BHMT2: variants seen among roughly 807,000 people sequenced by gnomAD.
BHMT2 encodes S-methylmethionine--homocysteine S-methyltransferase BHMT2.
Under a neutral mutation model 39.0 loss-of-function variants are expected in BHMT2, and 28 were observed. That is an observed-to-expected ratio of 0.72 (90% CI 0.53 to 0.98). BHMT2 has a LOEUF of 0.98. Ranked by LOEUF, BHMT2 falls within the 50% of genes least tolerant of loss-of-function variation. BHMT2 has a pLI of 0.00. For missense variants in BHMT2, 410 were observed against 455.6 expected, an observed-to-expected ratio of 0.90 and a Z score of 0.91; for synonymous variants, 145 against 160.6, an observed-to-expected ratio of 0.90 and a Z score of 0.74.
chr5:79,077,831 C>A, intron 2 of BHMT2: 2 of 412,022 alleles, frequency 4.9e-6, no homozygotes, highest in Non-Finnish European at 8.7e-6. Flanking sequence ...ACACACCCAC[C>A]CATCCACACG....
At chr5:79,080,527 T>G (rs1346102844) in intron 3 of BHMT2, among the ~76,000 whole-genome samples, 160 bp from the exon 4 acceptor site, 2 of 152,148 alleles carry the variant, frequency 1.3e-5, no homozygotes, top group Non-Finnish European at 1.5e-5. Flanking sequence ...AAGGTCATGG[T>G]AACAGAGGAG....
At chr5:79,070,426 G>C (rs12108714) in intron 1 of BHMT2, among the ~76,000 whole-genome samples, 16 of 152,082 alleles carry the variant, frequency 1.1e-4, no homozygotes, top group Non-Finnish European at 1.8e-4. Flanking sequence ...CCAGCTCCTG[G>C]CCCCTTTCCT....
intron 7 of BHMT2, among the ~76,000 whole-genome samples, chr5:79,085,582 G>A (rs1755878466): frequency 6.6e-6 from 1 of 152,234 alleles, no homozygotes; most frequent in African/African-American, 2.4e-5. Flanking sequence ...TCGGGAGGCT[G>A]AGGCAGGAGA....
chr5:79,088,642 C>T lies in BHMT2; in HGVS notation c.*68C>T, dbSNP rs1201662543. The T allele has an allele frequency of 3.5e-5, 44 of 1,271,048 alleles. No homozygotes were observed. The highest frequency in any genetic ancestry group is 3.1e-4 in the East Asian group (13 of 42,470). The allele number at this position is 1,271,048 out of a possible 1,614,324, so 78.7% of individuals were successfully genotyped here. A position where few individuals can be genotyped will look rare whatever the true frequency, so the allele number is the denominator to read the frequency against. ...GTTGCCCTCAAGCCTGACCTGGAAC[C>T]GTTCCTCACCTTCATCCTCACCATG... On this transcript the variant is annotated 3_prime_UTR_variant, in exon 8 of 8. Transcript: ENST00000255192.
At chr5:79,073,244 G>A (rs59271724) in intron 1 of BHMT2, among the ~76,000 whole-genome samples, 2,119 of 152,248 alleles carry the variant, frequency 0.014, 32 homozygotes, top group African/African-American at 0.042. Flanking sequence ...GATTACAGGC[G>A]TGAGCCACCG....
At position 79,083,292 on chromosome 5, in the gene BHMT2, G is replaced by T. The variant is rs59804781; in HGVS notation, c.699G>T (p.Ala233=). Residue 233 remains alanine, a synonymous_variant, in exon 6 of 8, where the codon GCG becomes GCT. Coordinates refer to ENST00000255192, the MANE Select transcript of BHMT2 (RefSeq NM_017614.5). The part of the protein sequence containing the change: ...KEGLEWAGLK[A]HLMVQPLGFH... ...GTCTTGAGTGGGCAGGGCTGAAAGC[G>T]CACCTCATGGTGCAGCCTCTGGGGT... The T allele has an allele frequency of 4.1e-3, 6,676 of 1,613,864 alleles. 29 individuals are homozygous for T. The highest frequency in any genetic ancestry group is 4.8e-3 in the Non-Finnish European group (5,612 of 1,179,854).
rs751330926 is a variant in BHMT2 at position 79,088,475 on chromosome 5, GTATA to G, written c.1011-14_1011-11del. 3.1e-5 allele frequency: 49 copies of G among 1,599,390 alleles called. No homozygotes were observed. In the African/African-American group the frequency reaches 5.4e-4, roughly 18 times the overall value. On this transcript the variant is annotated splice_polypyrimidine_tract_variant and intron_variant, in intron 7 of 7. Coordinates refer to ENST00000255192, the MANE Select transcript of BHMT2 (RefSeq NM_017614.5). ...GTAAGACTTTTAATTAATTAATTAT[GTATA>G]TATTGAAACACAGGGCTCGAAGGGA...
intron 1 of BHMT2, among the ~76,000 whole-genome samples, chr5:79,070,576 C>T (rs1481210401): frequency 1.3e-5 from 2 of 152,000 alleles, no homozygotes; most frequent in Non-Finnish European, 2.9e-5. Context: ...CTTCAGAGAC[C>T]CCCACCCGCT....
chr5:79,080,966 A>G, intron 4 of BHMT2, 88 bp downstream of exon 4: 1 of 1,245,212 alleles, frequency 8.0e-7, no homozygotes, highest in Non-Finnish European at 1.1e-6. Context: ...ATTGGACAAC[A>G]TTCTGCCCTC....
chr5:79,083,164 A>G (rs1437065930), intron 5 of BHMT2, 28 bp from the exon 6 acceptor site: 3 of 1,607,768 alleles, frequency 1.9e-6, no homozygotes, highest in East Asian at 2.2e-5. Context: ...AATAAATAAT[A>G]AAATGTAAGT....
chr5:79,071,845 A>AAAAT (rs1554039290), intron 1 of BHMT2, among the ~76,000 whole-genome samples: 5 of 144,530 alleles, frequency 3.5e-5, no homozygotes, highest in African/African-American at 5.2e-5. Context: ...AAAAAAAAAA[A>AAAAT]CTAAAGAAGG....
At chr5:79,074,946 T>G (rs1755647868) in intron 1 of BHMT2, among the ~76,000 whole-genome samples, 1 of 152,198 alleles carries the variant, frequency 6.6e-6, no homozygotes, top group Non-Finnish European at 1.5e-5. Flanking sequence ...TGAACGTGAC[T>G]CTGATCCAGT....
Position 79,076,457 on chromosome 5 carries a change from A to G in BHMT2, c.34-1023A>G, listed in dbSNP as rs146131075. Among the ~76,000 whole-genome samples the G allele has an allele frequency of 1.2e-4, 19 of 152,290 alleles. No homozygotes were observed. The East Asian group carries it at 3.3e-3, about 26-fold the overall frequency. Reference sequence around the variant, plus strand: ...CCTATCCTCACCAGGGTCTGTGGGCACAGGCCTGAGGCCTTTCTGTATCAA... The same window carrying G: ...CCTATCCTCACCAGGGTCTGTGGGCGCAGGCCTGAGGCCTTTCTGTATCAA... On this transcript the variant is annotated intron_variant, in intron 1 of 7. Coordinates refer to ENST00000255192, the MANE Select transcript of BHMT2 (RefSeq NM_017614.5).
chr5:79,088,695 T>G lies in BHMT2; in HGVS notation c.*121T>G, dbSNP rs1580257052. On this transcript the variant is annotated 3_prime_UTR_variant, in exon 8 of 8. Transcript: ENST00000255192. ...CTGCTATCTCCAGCTGCTGAGCAGC[T>G]GAGGTGCTGCAGCCCCTTCCCTTCC... The G allele has an allele frequency of 3.0e-5, 22 of 744,578 alleles. No individual in the cohort carries two copies. In the East Asian group the frequency reaches 5.9e-4, roughly 20 times the overall value. The allele number at this position is 744,578 out of a possible 1,614,324, so 46.1% of individuals were successfully genotyped here.
intron 2 of BHMT2, 126 bp from the exon 3 acceptor site, chr5:79,079,243 G>T (rs1755735149): frequency 1.5e-6 from 1 of 654,718 alleles, no homozygotes; most frequent in Non-Finnish European, 2.6e-6. Flanking sequence ...GTTACTACTA[G>T]GTTTGAACTG....
chr5:79,075,567 C>G (rs531349473), intron 1 of BHMT2, among the ~76,000 whole-genome samples: 1 of 152,178 alleles, frequency 6.6e-6, no homozygotes, highest in Non-Finnish European at 1.5e-5. Context: ...CTGAAATGAA[C>G]TGGCCTATTA....
At chr5:79,082,979 T>C (rs764200841) in intron 5 of BHMT2, 23 bp downstream of exon 5, 4 of 1,613,816 alleles carry the variant, frequency 2.5e-6, no homozygotes, top group Admixed American at 3.3e-5. Flanking sequence ...CATACCGTGA[T>C]ACACAGCTCA....
chr5:79,088,310 T>A (rs1263676030), intron 7 of BHMT2, among the ~76,000 whole-genome samples, 183 bp from the exon 8 acceptor site: 2 of 151,868 alleles, frequency 1.3e-5, no homozygotes, highest in African/African-American at 4.8e-5. Context: ...TCCGTCTGTA[T>A]GTTAAAACAA....
At chr5:79,070,021 C>T (rs1755524658) in intron 1 of BHMT2, among the ~76,000 whole-genome samples, 1 of 152,206 alleles carries the variant, frequency 6.6e-6, no homozygotes, top group African/African-American at 2.4e-5. Flanking sequence ...GCACAGAGTG[C>T]TGTGCTCAAG....
Sources: allele counts gnomAD v4.1 joint callset (sites outside exome capture counted in the v4.1 genomes callset), GRCh38; gene constraint gnomAD v4.1.1; transcripts MANE v1.5; gene names NCBI Gene and HGNC (gene_info 2026-07-23, HGNC 2026-07-21).